Variants in METTL2A observed in about 807,000 individuals in gnomAD.
METTL2A encodes the protein tRNA N(3)-cytidine methyltransferase METTL2A.
A neutral mutation model predicts 49.4 loss-of-function variants in METTL2A; 45 were observed. The observed-to-expected ratio is 0.91, with a 90% CI of 0.72 to 1.17. The LOEUF is 1.17. Among genes scored for constraint, METTL2A ranks in the 50% most tolerant of loss-of-function variants. METTL2A has a pLI of 0.00. For missense variants in METTL2A, 361 were observed against 462.2 expected (o/e 0.78, Z 2.01); for synonymous variants, 118 against 167.5 (o/e 0.70, Z 2.28).
intron 6 of METTL2A, among the ~76,000 whole-genome samples, chr17:62,443,736 C>T (rs1215979477): frequency 5.3e-5 from 8 of 152,182 alleles, no homozygotes; most frequent in African/African-American, 1.9e-4. Flanking sequence ...ATTACAGGTG[C>T]CTGCCACCAT....
intron 2 of METTL2A, 131 bp downstream of exon 2, chr17:62,424,441 CG>C: frequency 2.2e-6 from 3 of 1,338,952 alleles, no homozygotes; most frequent in Non-Finnish European, 3.1e-6. Context: ...AGGAGTAGAG[CG>C]GGACAGGGAG....
intron 7 of METTL2A, 143 bp downstream of exon 7, chr17:62,445,086 T>G (rs1177816388): frequency 2.2e-6 from 2 of 891,980 alleles, no homozygotes; most frequent in Admixed American, 5.1e-5. Context: ...AAGTGGGAGT[T>G]GAACAATGAG....
In METTL2A at chr17:62,449,116, T is replaced by C. The variant is rs1241739581; in HGVS notation, c.*387T>C. 8.6e-6 allele frequency: 2 copies of C among 233,524 alleles called. No homozygotes were observed. Among genetic ancestry groups the C allele is most frequent in the Non-Finnish European group, 1.7e-5 (2 of 118,202 alleles). 14.5% of individuals were successfully genotyped at this position (233,524 alleles called of 1,614,324 possible). A position where few individuals can be genotyped will look rare whatever the true frequency, so the allele number is the denominator to read the frequency against. ...ATCTGTCTTAGCATTTTGTAACTAA[T>C]AACTGAAATTTTATTCAAAGGAATT... On this transcript the variant is annotated 3_prime_UTR_variant, in exon 9 of 9. Transcript: ENST00000311506.
chr17:62,436,354 C>A (rs929842702), intron 5 of METTL2A, among the ~76,000 whole-genome samples: 1 of 152,100 alleles, frequency 6.6e-6, no homozygotes, highest in Non-Finnish European at 1.5e-5. Flanking sequence ...CAAGACTGGC[C>A]TAGGCAACAT....
rs1201167517 is a variant in METTL2A at position 62,450,022 on chromosome 17, A to C, written c.*1293A>C. 2 of 151,940 alleles carry C rather than the reference A, an allele frequency of 1.3e-5. No homozygotes were observed. The highest frequency in any genetic ancestry group is 2.9e-5 in the Non-Finnish European group (2 of 68,142). The allele number at this position is 151,940 out of a possible 1,614,324, so 9.4% of individuals were successfully genotyped here. On this transcript the variant is annotated 3_prime_UTR_variant, in exon 9 of 9. Coordinates refer to ENST00000311506, the MANE Select transcript of METTL2A (RefSeq NM_181725.4). ...GGCAGGAGAATCGTTTGAACCTGGG[A>C]GGTGGAGGTTGCAGTGAGCCAAGAT...
intron 7 of METTL2A, among the ~76,000 whole-genome samples, chr17:62,446,851 T>C (rs1447813849): frequency 2.6e-5 from 4 of 152,160 alleles, no homozygotes; most frequent in African/African-American, 9.7e-5. Flanking sequence ...TTAAACTCCA[T>C]CCCCCTATAC....
Position 62,450,381 on chromosome 17 carries a change from C to T in METTL2A, c.*1652C>T, listed in dbSNP as rs1168097955. 1.3e-5 allele frequency: 2 copies of T among 151,570 alleles called. No individual in the cohort carries two copies. Among genetic ancestry groups the T allele is most frequent in the Non-Finnish European group, 2.9e-5 (2 of 67,968 alleles). 9.4% of individuals were successfully genotyped at this position (151,570 alleles called of 1,614,324 possible). Reference sequence around the variant, plus strand: ...GGCTCAAGCCATCCCTCCGCCTCAGCCTCCTGAGTAGCTAGGACTGCAGGT... The same window carrying T: ...GGCTCAAGCCATCCCTCCGCCTCAGTCTCCTGAGTAGCTAGGACTGCAGGT... On this transcript the variant is annotated 3_prime_UTR_variant, in exon 9 of 9. Transcript: ENST00000311506.
intron 4 of METTL2A, among the ~76,000 whole-genome samples, chr17:62,433,004 A>G (rs1333683501): frequency 6.6e-6 from 1 of 152,244 alleles, no homozygotes; most frequent in East Asian, 1.9e-4. Flanking sequence ...CATAGCATTT[A>G]TATTAGGCAT....
chr17:62,444,020 G>A (rs2070753056), intron 6 of METTL2A, among the ~76,000 whole-genome samples: 1 of 152,178 alleles, frequency 6.6e-6, no homozygotes, highest in African/African-American at 2.4e-5. Flanking sequence ...ACAGACCTAA[G>A]TGTAAAACCC....
intron 2 of METTL2A, among the ~76,000 whole-genome samples, chr17:62,425,790 G>T (rs1168732760): frequency 2.7e-5 from 4 of 149,850 alleles, no homozygotes; most frequent in Non-Finnish European, 5.9e-5. Flanking sequence ...CACGAGGTCA[G>T]GAGATCGAGA....
chr17:62,445,585 G>A (rs1467572113), intron 7 of METTL2A, among the ~76,000 whole-genome samples: 4 of 152,172 alleles, frequency 2.6e-5, no homozygotes, highest in African/African-American at 9.7e-5. Context: ...GATCGCCTGA[G>A]TTCAAGAGTT....
intron 6 of METTL2A, among the ~76,000 whole-genome samples, chr17:62,444,111 C>T (rs918079133): frequency 1.3e-5 from 2 of 152,212 alleles, no homozygotes; most frequent in Non-Finnish European, 2.9e-5. Context: ...CAGAAAGATA[C>T]AGCCCCTACA....
intron 5 of METTL2A, among the ~76,000 whole-genome samples, chr17:62,438,869 G>A (rs1004610179): frequency 2.6e-5 from 4 of 151,874 alleles, no homozygotes; most frequent in Admixed American, 6.6e-5. Context: ...GCTGGAGTGC[G>A]GTGGTACAAT....
chr17:62,435,046 G>T, intron 4 of METTL2A, 186 bp from the exon 5 acceptor site: 2 of 789,664 alleles, frequency 2.5e-6, no homozygotes, highest in Non-Finnish European at 4.0e-6. Context: ...TGTCCACAGA[G>T]CCTCCAAAAG....
chr17:62,425,783 G>A (rs1373646883), intron 2 of METTL2A, among the ~76,000 whole-genome samples: 4 of 148,484 alleles, frequency 2.7e-5, no homozygotes, highest in Non-Finnish European at 4.5e-5. Context: ...GGTGGATCAC[G>A]AGGTCAGGAG....
intron 6 of METTL2A, among the ~76,000 whole-genome samples, chr17:62,442,046 G>T (rs1423624755): frequency 6.6e-6 from 1 of 151,788 alleles, no homozygotes; most frequent in Admixed American, 6.6e-5. Flanking sequence ...GAGCCACCAC[G>T]CCCAGCCTAT....
rs1433419153 is a variant in METTL2A, at chr17:62,449,518, G to A, written c.*789G>A. On this transcript the variant is annotated 3_prime_UTR_variant, in exon 9 of 9. Transcript: ENST00000311506. ...CTGAGGTCAGGAGTTGGAGACCAGC[G>A]TGGCCAACATGGTGAAACCCCGTCT... 6 of 378,124 alleles carry A rather than the reference G, an allele frequency of 1.6e-5. No homozygotes were observed. Among genetic ancestry groups the A allele is most frequent in the South Asian group, 3.8e-5 (2 of 52,358 alleles). The allele number at this position is 378,124 out of a possible 1,614,324, so 23.4% of individuals were successfully genotyped here.
intron 1 of METTL2A, 83 bp downstream of exon 1, chr17:62,424,095 C>T (rs2070605776): frequency 2.5e-6 from 4 of 1,581,098 alleles, no homozygotes; most frequent in Non-Finnish European, 3.4e-6. Flanking sequence ...CCCTGACCGC[C>T]GGCCACGAGT....
intron 5 of METTL2A, among the ~76,000 whole-genome samples, chr17:62,439,430 G>GTT (rs2070723172): frequency 6.7e-6 from 1 of 149,042 alleles, no homozygotes; most frequent in Non-Finnish European, 1.5e-5. Context: ...TTGTTTGTTT[G>GTT]TTTGTTTTTG....
Sources: allele counts gnomAD v4.1 joint callset (sites outside exome capture counted in the v4.1 genomes callset), GRCh38; gene constraint gnomAD v4.1.1; transcripts MANE v1.5; gene names NCBI Gene and HGNC (gene_info 2026-07-23, HGNC 2026-07-21).